The following CCPG1 variants were observed in gnomAD, a reference collection of about 807,000 sequenced individuals.
The protein encoded by CCPG1 is cell cycle progression protein 1.
In CCPG1, 46 loss-of-function variants were observed where a neutral mutation model predicts 81.3. The ratio of observed to expected loss-of-function variants is 0.57; its 90% CI spans 0.45 to 0.72. The LOEUF (loss-of-function observed/expected upper bound fraction) is 0.72. CCPG1 is among the 30% of genes least tolerant of loss of function. The probability of loss-of-function intolerance (pLI) is 0.00; values close to 1 mark genes in which losing one functional copy is unlikely to be tolerated. For missense variants in CCPG1, 902 were observed against 937.6 expected (o/e 0.96, Z 0.50); for synonymous variants, 330 against 305.2 (o/e 1.08, Z -0.85).
intron 2 of CCPG1, among the ~76,000 whole-genome samples, chr15:55,386,608 A>C (rs1362489822): frequency 6.6e-6 from 1 of 152,046 alleles, no homozygotes; most frequent in African/African-American, 2.4e-5. Flanking sequence ...TTCATGAAAA[A>C]AGTAGGGCCG....
intron 3 of CCPG1, among the ~76,000 whole-genome samples, chr15:55,381,934 A>T (rs1486967911): frequency 6.6e-6 from 1 of 152,256 alleles, no homozygotes; most frequent in Non-Finnish European, 1.5e-5. Flanking sequence ...TTCCCTGTCC[A>T]TGTAAAAGTT....
chr15:55,397,777 G>C (rs2057049215), intron 1 of CCPG1, among the ~76,000 whole-genome samples: 1 of 152,142 alleles, frequency 6.6e-6, no homozygotes, highest in African/African-American at 2.4e-5. Flanking sequence ...AGGAGTTCAT[G>C]ACCAGCCTGA....
intron 1 of CCPG1, among the ~76,000 whole-genome samples, chr15:55,400,203 C>CAAAAAA (rs61331208): frequency 0.017 from 573 of 32,948 alleles, 100 homozygotes; most frequent in African/African-American, 0.089. Context: ...TACTCTACCT[C>CAAAAAA]AAAAAAAAAA....
chr15:55,386,109 G>A (rs1273312854), intron 2 of CCPG1, among the ~76,000 whole-genome samples: 1 of 151,732 alleles, frequency 6.6e-6, no homozygotes, highest in East Asian at 1.9e-4. Flanking sequence ...TTCAAATCTG[G>A]CTGGGCACGG....
intron 1 of CCPG1, chr15:55,398,404 T>C (rs1455171027): frequency 6.6e-6 from 1 of 152,194 alleles, no homozygotes; most frequent in Non-Finnish European, 1.5e-5. Flanking sequence ...GGCCTCAAAG[T>C]GCAGCTGTAC....
intron 1 of CCPG1, among the ~76,000 whole-genome samples, chr15:55,405,702 A>G (rs1240945630): frequency 1.3e-5 from 2 of 152,074 alleles, no homozygotes; most frequent in Non-Finnish European, 2.9e-5. Context: ...CATCATCTCC[A>G]AAAAATAAAA....
At chr15:55,389,230 T>C (rs1268972966) in intron 2 of CCPG1, 135 bp downstream of exon 2, 3 of 644,440 alleles carry the variant, frequency 4.7e-6, no homozygotes, top group Non-Finnish European at 8.3e-6. Flanking sequence ...CAGTGAAGTT[T>C]AATATGAGAG....
chr15:55,392,312 A>G (rs976177112), intron 1 of CCPG1, among the ~76,000 whole-genome samples: 4 of 151,078 alleles, frequency 2.6e-5, no homozygotes, highest in Non-Finnish European at 5.9e-5. Flanking sequence ...CCCTGGTTCA[A>G]GCGATTCTCC....
At chr15:55,390,085 C>G (rs1399953737) in intron 1 of CCPG1, among the ~76,000 whole-genome samples, 2 of 151,980 alleles carry the variant, frequency 1.3e-5, no homozygotes, top group Non-Finnish European at 2.9e-5. Context: ...CACCACGCCC[C>G]ACTAATTTTT....
intron 1 of CCPG1, among the ~76,000 whole-genome samples, chr15:55,404,462 C>T (rs1299206793): frequency 1.3e-5 from 2 of 152,050 alleles, no homozygotes; most frequent in African/African-American, 4.8e-5. Flanking sequence ...CCAACATAAC[C>T]ATAACAAAAA....
At chr15:55,378,128 C>A (rs1445522710) in intron 4 of CCPG1, among the ~76,000 whole-genome samples, 172 bp downstream of exon 4, 1 of 152,154 alleles carries the variant, frequency 6.6e-6, no homozygotes. Context: ...AGATCTTTAA[C>A]ACAATACCAA....
chr15:55,356,941 G>A lies in CCPG1; in HGVS notation c.2235-532C>T, dbSNP rs375757830. On this transcript the variant is annotated intron_variant, in intron 8 of 8. Coordinates refer to ENST00000442196, the MANE Select transcript of CCPG1 (RefSeq NM_001204450.2). ...TTTCCAAGCCAAGAAAACATTTTCC[G>A]CACATCAACTTTTTAAAAAGCATGA... 1.9e-4 allele frequency: 191 copies of A among 985,502 alleles called. 1 individual carries two copies. In the East Asian group the frequency reaches 6.2e-3, roughly 32 times the overall value. The allele number at this position is 985,502 out of a possible 1,614,324, so 61.0% of individuals were successfully genotyped here.
chr15:55,371,680 T>C (rs1404601475), intron 6 of CCPG1, 113 bp downstream of exon 6: 7 of 1,125,714 alleles, frequency 6.2e-6, no homozygotes, highest in Non-Finnish European at 8.7e-6. Context: ...GCTTCAAGTT[T>C]TCAAGGCCAC....
At chr15:55,389,530 T>C in intron 1 of CCPG1, 97 bp from the exon 2 acceptor site, 1 of 812,598 alleles carries the variant, frequency 1.2e-6, no homozygotes, top group African/African-American at 1.7e-5. Flanking sequence ...TGGTTTACTG[T>C]CTTCCAGGTG....
intron 6 of CCPG1, among the ~76,000 whole-genome samples, chr15:55,370,466 A>T (rs561031944): frequency 4.6e-5 from 7 of 152,116 alleles, no homozygotes; most frequent in Non-Finnish European, 8.8e-5. Context: ...GGTTTCAAAT[A>T]CTCCAGTCAT....
intron 2 of CCPG1, among the ~76,000 whole-genome samples, chr15:55,386,434 G>A (rs1330052407): frequency 6.6e-6 from 1 of 152,062 alleles, no homozygotes. Flanking sequence ...ATTAATAATA[G>A]CGGATCATAC....
At chr15:55,381,055 T>G (rs1334264724) in intron 3 of CCPG1, among the ~76,000 whole-genome samples, 1 of 151,724 alleles carries the variant, frequency 6.6e-6, no homozygotes, top group East Asian at 1.9e-4. Context: ...GAGAATGGCG[T>G]GAACCCGGGA....
Position 55,378,335 on chromosome 15 carries a change from A to G in CCPG1, c.217T>C (p.Tyr73His), listed in dbSNP as rs1434137409. The change falls in exon 4 of 9, where the codon TAT becomes CAT. Residue 73 changes from tyrosine (Y) to histidine (H), a missense_variant. By Grantham distance (83) the Tyr-to-His change is moderately conservative. Transcript: ENST00000442196. ...NGTVLMEETA[Y>H]PALEETSSTI... ...GAGCTGGTTTCCTCCAAAGCTGGAT[A>G]AGCAGTTTCTTCCATAAGCACTGTG... 6.8e-6 allele frequency: 11 copies of G among 1,611,914 alleles called. No individual in the cohort carries two copies. The highest frequency in any genetic ancestry group is 9.3e-6 in the Non-Finnish European group (11 of 1,178,808).
Position 55,355,481 on chromosome 15 carries a change from C to G in CCPG1, c.*739G>C. On this transcript the variant is annotated 3_prime_UTR_variant, in exon 9 of 9. Transcript: ENST00000442196. ...GCTGGGTGGAAATATTCAGATGCTG[C>G]TTAAATACTTCGGTAAACACTGGGT... The G allele has an allele frequency of 6.8e-7, 1 of 1,465,190 alleles. No homozygotes were observed. Among genetic ancestry groups the G allele is most frequent in the Non-Finnish European group, 9.4e-7 (1 of 1,065,340 alleles). The allele number at this position is 1,465,190 out of a possible 1,614,324, so 90.8% of individuals were successfully genotyped here.
Sources: allele counts gnomAD v4.1 joint callset (sites outside exome capture counted in the v4.1 genomes callset), GRCh38; gene constraint gnomAD v4.1.1; transcripts MANE v1.5; gene names NCBI Gene and HGNC (gene_info 2026-07-23, HGNC 2026-07-21).